Variants in GAS7 observed in about 807,000 individuals in gnomAD.
GAS7 encodes the protein growth arrest specific 7.
GAS7 carries 28 observed loss-of-function variants against 71.1 expected under a neutral mutation model. The observed-to-expected ratio is 0.39, with a 90% CI of 0.29 to 0.54. GAS7 has a LOEUF of 0.54. GAS7 is among the 20% of genes least tolerant of loss of function. The pLI, the probability that GAS7 is intolerant of heterozygous loss-of-function variation, is 0.62. For missense variants in GAS7, 436 were observed against 627.8 expected, an observed-to-expected ratio of 0.69 and a Z score of 3.27; for synonymous variants, 258 against 245.8, an observed-to-expected ratio of 1.05 and a Z score of -0.46.
At chr17:9,982,814 AGGAAAGAAAG>A (rs1423854635) in intron 2 of GAS7, among the ~76,000 whole-genome samples, 140 of 54,110 alleles carry the variant, frequency 2.6e-3, no homozygotes, top group African/African-American at 0.013. Context: ...AAGGAAAGAA[AGGAAAGAAAG>A]GAAAGAAAGA....
rs552243867 is a variant in GAS7, at chr17:10,043,416, G to A, written c.184-23519C>T. Among the ~76,000 whole-genome samples the A allele has an allele frequency of 1.6e-4, 24 of 152,144 alleles. No homozygotes were observed. The South Asian group carries it at 3.1e-3, about 20-fold the overall frequency. On this transcript the variant is annotated intron_variant, in intron 1 of 13. Transcript: ENST00000432992. Reference sequence around the variant, plus strand: ...ACAGCTGACCCTTGAACAACACGAGGGTTTAGAGGTGCTAACCCCCATCTC... The same window carrying A: ...ACAGCTGACCCTTGAACAACACGAGAGTTTAGAGGTGCTAACCCCCATCTC...
intron 9 of GAS7, among the ~76,000 whole-genome samples, chr17:9,933,678 T>C (rs1012971124): frequency 6.6e-6 from 1 of 152,000 alleles, no homozygotes; most frequent in Non-Finnish European, 1.5e-5. Flanking sequence ...ACCCCATCTC[T>C]ACAAATAAAT....
rs570001517 is a variant in GAS7 at position 10,087,982 on chromosome 17, A to C, written c.184-68085T>G. On this transcript the variant is annotated intron_variant, in intron 1 of 13. Coordinates refer to ENST00000432992, the MANE Select transcript of GAS7 (RefSeq NM_201433.2). ...GGTGCTACACAATTTCAGTAAATAAAAGGGAAGAAGGGCTTGGGCTGCTTT... is the reference window on the plus strand; with the variant it reads ...GGTGCTACACAATTTCAGTAAATAACAGGGAAGAAGGGCTTGGGCTGCTTT... 5.8e-4 allele frequency among the ~76,000 whole-genome samples: 88 copies of C among 152,168 alleles called. 1 individual carries two copies. In the South Asian group the frequency reaches 7.3e-3, roughly 13 times the overall value.
intron 2 of GAS7, among the ~76,000 whole-genome samples, chr17:10,003,085 G>C (rs2071334064): frequency 6.6e-6 from 1 of 152,188 alleles, no homozygotes; most frequent in Non-Finnish European, 1.5e-5. Flanking sequence ...GACATCTTTT[G>C]TGGGACACAA....
At position 10,026,737 on chromosome 17, in the gene GAS7, A is replaced by T. The variant is rs184509300; in HGVS notation, c.184-6840T>A. 1.3e-5 allele frequency among the ~76,000 whole-genome samples: 2 copies of T among 152,274 alleles called. No homozygotes were observed. The highest frequency in any genetic ancestry group is 1.3e-4 in the Admixed American group (2 of 15,300). On this transcript the variant is annotated intron_variant, in intron 1 of 13. Transcript: ENST00000432992. The surrounding 1 kb of genome is among the most constrained non-coding windows in gnomAD (Gnocchi z 4.5). ...CCCACGTCATGCCTTCCTGGTGGAC[A>T]CCTGTTTAGGTGGGCAGACTCCTAC...
At chr17:10,060,380 C>A (rs1389016751) in intron 1 of GAS7, among the ~76,000 whole-genome samples, 1 of 152,128 alleles carries the variant, frequency 6.6e-6, no homozygotes, top group South Asian at 2.1e-4. Flanking sequence ...CTCATGACTC[C>A]GGGATGTGCA....
intron 11 of GAS7, among the ~76,000 whole-genome samples, chr17:9,923,192 C>G (rs1733669224): frequency 6.6e-6 from 1 of 151,852 alleles, no homozygotes; most frequent in Admixed American, 6.6e-5. Context: ...CAGGCGTGAG[C>G]CACCACGGCC....
intron 1 of GAS7, among the ~76,000 whole-genome samples, chr17:10,128,565 G>A (rs187319974): frequency 9.9e-4 from 151 of 151,930 alleles, no homozygotes; most frequent in African/African-American, 3.5e-3. Context: ...TTACATTTAT[G>A]CAACAACATC....
At chr17:9,917,689 T>C (rs1032142342) in intron 13 of GAS7, among the ~76,000 whole-genome samples, 32 of 152,320 alleles carry the variant, frequency 2.1e-4, no homozygotes, top group African/African-American at 7.5e-4. Context: ...TAGAAGTTGT[T>C]TTTTTTGGTT....
intron 1 of GAS7, chr17:10,036,735 A>G (rs2072761474): frequency 8.1e-7 from 1 of 1,242,034 alleles, no homozygotes; most frequent in Middle Eastern, 3.2e-4. Context: ...GACTTTCCAG[A>G]TGCAATGTTT....
intron 5 of GAS7, among the ~76,000 whole-genome samples, chr17:9,952,276 C>G (rs1227291987): frequency 6.6e-6 from 1 of 152,232 alleles, no homozygotes; most frequent in Non-Finnish European, 1.5e-5. Context: ...GGGACAGGGA[C>G]AGCCCCTGGG....
intron 1 of GAS7, among the ~76,000 whole-genome samples, chr17:10,097,552 A>G (rs1322056289): frequency 1.3e-5 from 2 of 152,220 alleles, no homozygotes; most frequent in Non-Finnish European, 2.9e-5. Context: ...GGGCACAAGC[A>G]CAAAGCCCTG....
chr17:10,021,845 C>CGT (rs1468101473), intron 1 of GAS7, among the ~76,000 whole-genome samples: 1 of 152,110 alleles, frequency 6.6e-6, no homozygotes, highest in Admixed American at 6.6e-5. Context: ...CGTGTGTGTG[C>CGT]GTGTGCATGC....
At chr17:10,075,604 G>A (rs1024485649) in intron 1 of GAS7, among the ~76,000 whole-genome samples, 1 of 151,956 alleles carries the variant, frequency 6.6e-6, no homozygotes, top group Non-Finnish European at 1.5e-5. Flanking sequence ...ATACCAGCCT[G>A]GGCAATATAG....
intron 1 of GAS7, among the ~76,000 whole-genome samples, chr17:10,115,033 G>A (rs1424361501): frequency 6.6e-6 from 1 of 152,176 alleles, no homozygotes; most frequent in African/African-American, 2.4e-5. Flanking sequence ...CTGTCTGTCT[G>A]TCTGGCTGGC....
intron 1 of GAS7, among the ~76,000 whole-genome samples, chr17:10,149,636 A>C (rs555497136): frequency 6.6e-6 from 1 of 152,326 alleles, no homozygotes; most frequent in South Asian, 2.1e-4. Context: ...CCACAAAAAA[A>C]CTTGTACACC....
At chr17:10,166,237 T>C (rs2142125166) in intron 1 of GAS7, among the ~76,000 whole-genome samples, 1 of 152,248 alleles carries the variant, frequency 6.6e-6, no homozygotes, top group South Asian at 2.1e-4. Flanking sequence ...TTGCCCAGGC[T>C]GGTCTCGAAC....
At chr17:9,986,054 C>T (rs368077369) in intron 2 of GAS7, among the ~76,000 whole-genome samples, 1 of 152,228 alleles carries the variant, frequency 6.6e-6, no homozygotes, top group South Asian at 2.1e-4. Context: ...CTAACCTTGA[C>T]ACCTTATCTC....
intron 5 of GAS7, among the ~76,000 whole-genome samples, chr17:9,955,086 C>G (rs1399773187): frequency 6.6e-6 from 1 of 152,214 alleles, no homozygotes; most frequent in Non-Finnish European, 1.5e-5. Context: ...CTTCCTAATT[C>G]CTGGGCCACC....
Sources: gnomAD v4.1 joint callset for allele counts (sites outside exome capture counted in the v4.1 genomes callset) on GRCh38, gnomAD v4.1.1 for gene constraint, Gnocchi (gnomAD v3.1) non-coding constraint, MANE v1.5 for transcripts, NCBI Gene and HGNC (gene_info 2026-07-23, HGNC 2026-07-21) for gene names.